The following MADD variants were observed in gnomAD, a reference collection of about 807,000 sequenced individuals.
MADD encodes the protein MAP kinase activating death domain, also known as MAP kinase-activating death domain protein.
A neutral mutation model predicts 176.7 loss-of-function variants in MADD; 109 were observed. That is an observed-to-expected ratio of 0.62 (90% CI 0.53 to 0.72). MADD has a LOEUF of 0.72. Ranked by LOEUF, MADD falls within the 30% of genes least tolerant of loss-of-function variation. The pLI is 0.00. For synonymous variants in MADD, 771 were observed against 771.3 expected, an observed-to-expected ratio of 1.00 and a Z score of 0.01; for missense variants, 1,914 against 2,045.5, an observed-to-expected ratio of 0.94 and a Z score of 1.24.
At chr11:47,287,353 T>C (rs326216) in intron 15 of MADD, among the ~76,000 whole-genome samples, 6,663 of 152,244 alleles carry the variant, frequency 0.044, 486 homozygotes, top group African/African-American at 0.15. Flanking sequence ...CGAAACCTTA[T>C]TTGAATTGGT....
rs559099376 is a variant in MADD at position 47,327,694 on chromosome 11, G to T, written c.4612+887G>T. ...CTTCCAACTCGGGAGAATGGCCTGG[G>T]GCTTCTTGCTCTACCTTTGATGAGT... On this transcript the variant is annotated intron_variant, in intron 31 of 32. Coordinates refer to ENST00000402192, the Ensembl canonical transcript of MADD. 4 of 985,414 alleles carry T rather than the reference G, an allele frequency of 4.1e-6. No homozygotes were observed. In the South Asian group the frequency reaches 1.4e-4, roughly 35 times the overall value. The allele number at this position is 985,414 out of a possible 1,614,324, so 61.0% of individuals were successfully genotyped here.
intron 27 of MADD, among the ~76,000 whole-genome samples, chr11:47,318,022 G>A (rs2093569027): frequency 2.6e-5 from 4 of 151,898 alleles, no homozygotes; most frequent in East Asian, 1.9e-4. Context: ...CACCCACCTC[G>A]GCCTCCCAAA....
intron 20 of MADD, 133 bp downstream of exon 22, chr11:47,294,116 G>C: frequency 1.4e-6 from 1 of 692,598 alleles, no homozygotes; most frequent in Non-Finnish European, 2.4e-6. Context: ...TTGGGAGGCC[G>C]AGGCGGGTGG....
intron 22 of MADD, 115 bp from the exon 25 acceptor site, chr11:47,308,476 T>G: frequency 3.1e-6 from 2 of 654,866 alleles, no homozygotes; most frequent in Non-Finnish European, 2.7e-6. Flanking sequence ...GGTACTGGAG[T>G]TTATGTTGCT....
rs769788651 is a variant in MADD, at chr11:47,309,622, A to G, written c.3978+10A>G. ...CATGCTGCTGATGAAGGTAATGTCAATTTTGCTGTGTCCAGCTCCGCTGAT... is the reference window on the plus strand; with the variant it reads ...CATGCTGCTGATGAAGGTAATGTCAGTTTTGCTGTGTCCAGCTCCGCTGAT... On this transcript the variant is annotated intron_variant, in intron 25 of 32. Transcript: ENST00000402192. 3.7e-6 allele frequency: 6 copies of G among 1,605,408 alleles called. No homozygotes were observed. Among genetic ancestry groups the G allele is most frequent in the African/African-American group, 1.3e-5 (1 of 74,766 alleles).
chr11:47,290,887 C>T, intron 19 of MADD, 71 bp downstream of exon 20: 1 of 1,250,532 alleles, frequency 8.0e-7, no homozygotes. Flanking sequence ...CTCAATTCAT[C>T]CAGAATCCTG....
chr11:47,276,085 T>A lies in MADD; in HGVS notation c.846T>A (p.Phe282Leu), dbSNP rs745401541. 8.7e-6 allele frequency: 14 copies of A among 1,614,102 alleles called. No individual in the cohort carries two copies. The South Asian group carries it at 1.4e-4, about 16-fold the overall frequency. ...AAGAGCTCCAGCCAGCTCTGACCTT[T>A]GCTCTTCCAGACCCATCTCGATTCA... is the stretch of plus-strand genomic sequence containing the variant. Residue 282 changes from phenylalanine to leucine, a missense_variant, in exon 4 of 33, where the codon TTT becomes TTA. Coordinates refer to ENST00000402192, the Ensembl canonical transcript of MADD.
chr11:47,270,364 G>A (rs910586800), intron 1 of MADD, 118 bp downstream of exon 1: 4 of 151,776 alleles, frequency 2.6e-5, no homozygotes, highest in African/African-American at 9.7e-5. Flanking sequence ...AGGCCCTGGG[G>A]GAGTGTGAAG....
intron 1 of MADD, chr11:47,270,634 A>G (rs1298870877): frequency 6.6e-6 from 1 of 152,218 alleles, no homozygotes; most frequent in African/African-American, 2.4e-5. Flanking sequence ...ATTTTTGGCT[A>G]GAATTTGGAG....
At chr11:47,329,426 T>C (rs1487570652) in exon 33 of MADD, 2 of 451,038 alleles carry the variant, frequency 4.4e-6, no homozygotes, top group African/African-American at 2.0e-5. Flanking sequence ...ACCCACTATT[T>C]TGTGTCCTTG....
intron 30 of MADD, 29 bp downstream of exon 33, chr11:47,324,606 C>T (rs200508917): frequency 4.1e-5 from 61 of 1,495,540 alleles, no homozygotes; most frequent in Non-Finnish European, 4.9e-5. Flanking sequence ...ACGAGGCTCC[C>T]TGTCGTTCCA....
intron 12 of MADD, 99 bp downstream of exon 12, chr11:47,284,664 C>T (rs1275375119): frequency 6.9e-7 from 1 of 1,442,704 alleles, no homozygotes; most frequent in African/African-American, 1.4e-5. Context: ...CTGCTTCTCA[C>T]ACAATTTTCT....
intron 19 of MADD, 30 bp downstream of exon 20, chr11:47,290,846 G>GT: frequency 6.4e-7 from 1 of 1,555,016 alleles, no homozygotes; most frequent in South Asian, 1.1e-5. Flanking sequence ...GTGTGGTGGA[G>GT]GGGTCCTGGC....
At chr11:47,324,538 G>C (rs752698504) in exon 30 of MADD, 18 of 1,613,896 alleles carry the variant, frequency 1.1e-5, no homozygotes, top group Non-Finnish European at 1.4e-5. Context: ...TGCTGCAGGT[G>C]ACCCTGGAAG....
At chr11:47,278,905 TAATG>T in intron 6 of MADD, 90 bp from the exon 7 acceptor site, 1 of 946,044 alleles carries the variant, frequency 1.1e-6, no homozygotes, top group Non-Finnish European at 1.7e-6. Context: ...TATATAATAA[TAATG>T]TATATACGTC....
intron 19 of MADD, among the ~76,000 whole-genome samples, chr11:47,291,292 G>C (rs1001191786): frequency 3.9e-5 from 6 of 152,094 alleles, no homozygotes; most frequent in African/African-American, 1.2e-4. Flanking sequence ...CATTTCCCTG[G>C]GTTCTGGATC....
chr11:47,282,489 C>T (rs1326533845), exon 9 of MADD: 1 of 1,614,228 alleles, frequency 6.2e-7, no homozygotes, highest in Non-Finnish European at 8.5e-7. Flanking sequence ...TTCAAGCTGG[C>T]TCCTTTCTAG....
chr11:47,270,743 C>T (rs945215610), intron 1 of MADD: 2 of 152,212 alleles, frequency 1.3e-5, no homozygotes, highest in Admixed American at 1.3e-4. Context: ...CAATCGCTCT[C>T]CTCCCCATCC....
intron 22 of MADD, among the ~76,000 whole-genome samples, chr11:47,299,749 A>G (rs765226643): frequency 3.3e-5 from 5 of 151,510 alleles, no homozygotes; most frequent in Non-Finnish European, 7.4e-5. Flanking sequence ...AGGCTGGTCT[A>G]GAACTCCTGG....
Sources: gnomAD v4.1 joint callset for allele counts (sites outside exome capture counted in the v4.1 genomes callset) on GRCh38, gnomAD v4.1.1 for gene constraint, MANE v1.5 for transcripts, NCBI Gene and HGNC (gene_info 2026-07-23, HGNC 2026-07-21) for gene names.